The following CHM variants were observed in gnomAD, a reference collection of about 807,000 sequenced individuals.
The protein encoded by CHM is CHM Rab escort protein.
Under a neutral mutation model 49.0 loss-of-function variants are expected in CHM, and 10 were observed. The ratio of observed to expected loss-of-function variants is 0.20; its 90% confidence interval spans 0.13 to 0.35. The LOEUF (loss-of-function observed/expected upper bound fraction) is 0.35, where lower values mean the gene tolerates loss of function less well. Among genes scored for constraint, CHM ranks in the 10% least tolerant of loss-of-function variants. The probability of loss-of-function intolerance (pLI) is 1.00; values close to 1 mark genes in which losing one functional copy is unlikely to be tolerated. For synonymous variants in CHM, 184 were observed against 167.5 expected, an observed-to-expected ratio of 1.10 and a Z score of -0.76; for missense variants, 455 against 478.4, an observed-to-expected ratio of 0.95 and a Z score of 0.46.
intron 8 of CHM, among the ~76,000 whole-genome samples, chrX:85,919,958 G>A (rs930166002): frequency 2.7e-5 from 3 of 110,806 alleles, no homozygotes; most frequent in Non-Finnish European, 5.7e-5. Flanking sequence ...AATGAGTATT[G>A]ATATAAAGAC....
In CHM at chrX:85,863,601, G is replaced by A. The variant is rs1923504861; in HGVS notation, c.*1029C>T. The A allele has an allele frequency of 8.9e-6, 1 of 112,054 alleles. No individual in the cohort carries two copies. Among genetic ancestry groups the A allele is most frequent in the Non-Finnish European group, 1.9e-5 (1 of 53,214 alleles). The allele number at this position is 112,054 out of a possible 1,213,427, so 9.2% of individuals were successfully genotyped here. On this transcript the variant is annotated 3_prime_UTR_variant, in exon 15 of 15. Transcript: ENST00000357749. ...GAAATTTTCATTTAAAAAGCTTAATGCAATAAAAACACTGTGATCTATTTT... is the reference window on the plus strand; with the variant it reads ...GAAATTTTCATTTAAAAAGCTTAATACAATAAAAACACTGTGATCTATTTT...
chrX:85,899,172 G>A (rs1926091186), intron 11 of CHM, among the ~76,000 whole-genome samples: 1 of 111,591 alleles, frequency 9.0e-6, no homozygotes, highest in Non-Finnish European at 1.9e-5. Context: ...AATATGGTCA[G>A]AAGGAGAACT....
chrX:86,002,218 C>T (rs758517426), intron 2 of CHM, among the ~76,000 whole-genome samples: 6 of 111,911 alleles, frequency 5.4e-5, no homozygotes, highest in Admixed American at 4.7e-4. Flanking sequence ...ACCTGTGACC[C>T]GTTTTAGACT....
intron 8 of CHM, among the ~76,000 whole-genome samples, chrX:85,955,057 T>C (rs1929942860): frequency 9.0e-6 from 1 of 110,837 alleles, no homozygotes; most frequent in Admixed American, 9.6e-5. Flanking sequence ...CAATTAAACA[T>C]ATGGAGACAG....
intron 2 of CHM, among the ~76,000 whole-genome samples, chrX:85,993,887 C>A (rs148720408): frequency 8.9e-6 from 1 of 111,826 alleles, no homozygotes; most frequent in African/African-American, 3.3e-5. Context: ...TTCTGTGAAG[C>A]CTTCAACTCT....
intron 11 of CHM, among the ~76,000 whole-genome samples, chrX:85,897,205 T>C (rs1462773603): frequency 2.0e-5 from 2 of 98,839 alleles, no homozygotes; most frequent in African/African-American, 7.4e-5. Context: ...ATAAAGTATA[T>C]ATATACCAGC....
Position 85,862,956 on chromosome X carries a change from C to T in CHM, c.*1674G>A, listed in dbSNP as rs1442137139. On this transcript the variant is annotated 3_prime_UTR_variant, in exon 15 of 15. Transcript: ENST00000357749. ...TTGTGAGAAAAAAAAACAAATAGTTCATTTGTTTGTTTATTTATAGGCAAT... is the reference window on the plus strand; with the variant it reads ...TTGTGAGAAAAAAAAACAAATAGTTTATTTGTTTGTTTATTTATAGGCAAT... The T allele has an allele frequency of 9.0e-6, 1 of 111,682 alleles. No homozygotes were observed. The highest frequency in any genetic ancestry group is 3.3e-5 in the African/African-American group (1 of 30,640). 9.2% of individuals were successfully genotyped at this position (111,682 alleles called of 1,213,427 possible). A position where few individuals can be genotyped will look rare whatever the true frequency, so the allele number is the denominator to read the frequency against.
intron 8 of CHM, among the ~76,000 whole-genome samples, chrX:85,937,135 G>T (rs762137989): frequency 9.2e-6 from 1 of 108,441 alleles, no homozygotes; most frequent in Non-Finnish European, 1.9e-5. Context: ...GTGTGGTTGC[G>T]GGCGCCTGTA....
intron 13 of CHM, 116 bp downstream of exon 13, chrX:85,878,849 T>C: frequency 9.3e-6 from 5 of 535,070 alleles, no homozygotes; most frequent in Non-Finnish European, 1.6e-5. Flanking sequence ...AACATGTGAA[T>C]TGTTGTTGAA....
chrX:85,893,887 A>G (rs1215171717), intron 12 of CHM, among the ~76,000 whole-genome samples: 3 of 111,673 alleles, frequency 2.7e-5, no homozygotes, highest in Non-Finnish European at 5.6e-5. Flanking sequence ...ATTAACAATA[A>G]AAAAAATGTT....
At chrX:86,045,214 T>C (rs1934607883) in intron 1 of CHM, among the ~76,000 whole-genome samples, 1 of 112,238 alleles carries the variant, frequency 8.9e-6, no homozygotes, top group African/African-American at 3.2e-5. Flanking sequence ...GAAACACTGC[T>C]TTTTCTATGA....
At chrX:85,895,299 C>CT (rs1925758771) in intron 11 of CHM, among the ~76,000 whole-genome samples, 1 of 93,517 alleles carries the variant, frequency 1.1e-5, no homozygotes, top group Non-Finnish European at 2.2e-5. Flanking sequence ...CTACACCTGG[C>CT]TATTTTTTTT....
intron 11 of CHM, among the ~76,000 whole-genome samples, chrX:85,899,929 C>T (rs188944465): frequency 9.1e-6 from 1 of 110,268 alleles, no homozygotes. Flanking sequence ...GATGAGGATA[C>T]AGAAAAAAGC....
intron 8 of CHM, among the ~76,000 whole-genome samples, chrX:85,921,021 G>A (rs1412189481): frequency 8.9e-6 from 1 of 112,171 alleles, no homozygotes; most frequent in Non-Finnish European, 1.9e-5. Flanking sequence ...ATTTTAGATA[G>A]TGCAAAAACT....
chrX:85,965,537 T>C (rs1490555726), intron 4 of CHM, among the ~76,000 whole-genome samples: 1 of 111,408 alleles, frequency 9.0e-6, no homozygotes, highest in African/African-American at 3.3e-5. Context: ...AATGCTTAAT[T>C]AATAATGGTT....
chrX:85,958,545 C>T (rs1043727279), intron 6 of CHM, among the ~76,000 whole-genome samples: 1 of 111,051 alleles, frequency 9.0e-6, no homozygotes, highest in African/African-American at 3.3e-5. Context: ...GCAAAAATCA[C>T]CGTTTCTTTC....
intron 4 of CHM, among the ~76,000 whole-genome samples, chrX:85,978,317 G>T (rs1050180809): frequency 1.8e-5 from 2 of 111,483 alleles, no homozygotes; most frequent in African/African-American, 6.5e-5. Context: ...TAAGAAAGAT[G>T]ATATAGTTGG....
chrX:85,869,253 G>A (rs1357285692), intron 14 of CHM, among the ~76,000 whole-genome samples: 4 of 111,410 alleles, frequency 3.6e-5, no homozygotes, highest in South Asian at 3.7e-4. Flanking sequence ...AGTCAACTCT[G>A]GATCCTTAGT....
At chrX:86,034,002 G>A (rs909419409) in intron 1 of CHM, among the ~76,000 whole-genome samples, 3 of 111,572 alleles carry the variant, frequency 2.7e-5, no homozygotes, top group African/African-American at 9.8e-5. Context: ...TATGGTGTGA[G>A]CCTTTAGGGA....
Sources: allele counts gnomAD v4.1 joint callset (sites outside exome capture counted in the v4.1 genomes callset), GRCh38; gene constraint gnomAD v4.1.1; transcripts MANE v1.5; gene names NCBI Gene and HGNC (gene_info 2026-07-23, HGNC 2026-07-21).